Variants in STARD5 observed in about 807,000 individuals in gnomAD.
STARD5 encodes stAR-related lipid transfer protein 5.
A neutral mutation model predicts 24.6 loss-of-function variants in STARD5; 26 were observed. The observed-to-expected ratio is 1.06, with a 90% CI of 0.77 to 1.47. The LOEUF (loss-of-function observed/expected upper bound fraction) is 1.47. STARD5 is among the 40% of genes most tolerant of loss of function. The probability of loss-of-function intolerance (pLI) is 0.00; values close to 1 mark genes in which losing one functional copy is unlikely to be tolerated. For synonymous variants in STARD5, 101 were observed against 99.7 expected (o/e 1.01, Z -0.07); for missense variants, 254 against 270.8 (o/e 0.94, Z 0.44).
In STARD5 at chr15:81,309,443, T is replaced by A; in HGVS notation, c.*3813A>T. 6.5e-6 allele frequency: 1 copy of A among 152,798 alleles called. No homozygotes were observed. Among genetic ancestry groups the A allele is most frequent in the Non-Finnish European group, 1.5e-5 (1 of 68,310 alleles). The allele number at this position is 152,798 out of a possible 1,614,324, so 9.5% of individuals were successfully genotyped here. Reference sequence around the variant, plus strand: ...GCATCCCAGGATCGCAAGAGCCATGTAGAAGCTGCATCTTGTTTATACCTT... The same window carrying A: ...GCATCCCAGGATCGCAAGAGCCATGAAGAAGCTGCATCTTGTTTATACCTT... On this transcript the variant is annotated 3_prime_UTR_variant, in exon 6 of 6. Coordinates refer to ENST00000302824, the MANE Select transcript of STARD5 (RefSeq NM_181900.3).
At chr15:81,323,336 G>A (rs1893326497) in intron 1 of STARD5, 1 of 289,826 alleles carries the variant, frequency 3.5e-6, no homozygotes, top group African/African-American at 2.7e-5. Context: ...AGTCAGAAGG[G>A]TCAAGCAAAA....
At chr15:81,319,130 T>C (rs1028713426) in intron 4 of STARD5, among the ~76,000 whole-genome samples, 1 of 150,378 alleles carries the variant, frequency 6.6e-6, no homozygotes, top group African/African-American at 2.4e-5. Context: ...AACCGTGACT[T>C]GAACATAGAA....
Position 81,322,571 on chromosome 15 carries a change from G to A in STARD5, c.150-31C>T, listed in dbSNP as rs768333114. ...GCACGAAAAGGAATTTGACCCCAAC[G>A]CATCAATCAAACTTGTTATCTTGAG... On this transcript the variant is annotated intron_variant, in intron 2 of 5. Transcript: ENST00000302824. The A allele has an allele frequency of 5.0e-6, 8 of 1,613,638 alleles. 1 individual carries two copies. In the South Asian group the frequency reaches 5.5e-5, roughly 11 times the overall value.
intron 3 of STARD5, among the ~76,000 whole-genome samples, chr15:81,320,266 T>C (rs1264263527): frequency 6.6e-6 from 1 of 152,190 alleles, no homozygotes; most frequent in Non-Finnish European, 1.5e-5. Context: ...GTATTAAGAC[T>C]TGGGGCATCG....
chr15:81,324,010 G>T lies in STARD5; in HGVS notation c.90C>A (p.Cys30Ter). 1 of 1,599,866 alleles carries T rather than the reference G, an allele frequency of 6.3e-7. No homozygotes were observed. The highest frequency in any genetic ancestry group is 8.5e-7 in the Non-Finnish European group (1 of 1,173,014). Residue 30 changes from cysteine (C) to a stop codon, truncating the protein, a stop_gained, in exon 1 of 6, where the codon TGC becomes TGA. Transcript: ENST00000302824. LOFTEE classifies it high-confidence loss of function. Reference protein sequence around the residue: ...YRRDTAGWKICREGNGVSVSW... With the variant: ...YRRDTAGWKI ...CCAGCTCCTCACTCACGCCTTCCCG[G>T]CAAATCTTCCAGCCTGCTGTGTCCC... is the stretch of plus-strand genomic sequence containing the variant.
chr15:81,317,490 T>C (rs1268735448), intron 5 of STARD5, among the ~76,000 whole-genome samples: 1 of 152,210 alleles, frequency 6.6e-6, no homozygotes, highest in Non-Finnish European at 1.5e-5. Context: ...TGTGTATGTC[T>C]GTGTGTGGTA....
chr15:81,320,561 G>T (rs1225997884), intron 3 of STARD5, among the ~76,000 whole-genome samples: 3 of 152,122 alleles, frequency 2.0e-5, no homozygotes, highest in African/African-American at 7.2e-5. Flanking sequence ...ATCCTCCAGG[G>T]TGGCAAAGGG....
In STARD5 at chr15:81,309,941, T is replaced by G. The variant is rs1488179119; in HGVS notation, c.*3315A>C. On this transcript the variant is annotated 3_prime_UTR_variant, in exon 6 of 6. Transcript: ENST00000302824. The stretch of plus-strand genomic sequence containing the variant: ...TGATGCGGCAGATTGAGTTTTCTTC[T>G]GTGATTCGGTGGAGACTATCAGCCC... 1 of 152,270 alleles carries G rather than the reference T, an allele frequency of 6.6e-6. No homozygotes were observed. The highest frequency in any genetic ancestry group is 1.5e-5 in the Non-Finnish European group (1 of 68,056). 9.4% of individuals were successfully genotyped at this position (152,270 alleles called of 1,614,324 possible). A position where few individuals can be genotyped will look rare whatever the true frequency, so the allele number is the denominator to read the frequency against.
At chr15:81,317,868 G>A (rs755160321) in intron 5 of STARD5, among the ~76,000 whole-genome samples, 30 of 152,296 alleles carry the variant, frequency 2.0e-4, no homozygotes, top group Admixed American at 5.2e-4. Context: ...GAGAGTCCCC[G>A]GGGTCAATTC....
At chr15:81,314,604 G>A (rs1249646020) in intron 5 of STARD5, among the ~76,000 whole-genome samples, 1 of 152,104 alleles carries the variant, frequency 6.6e-6, no homozygotes, top group East Asian at 1.9e-4. Context: ...ACTCCCCAGG[G>A]CCAAGCACGG....
chr15:81,321,549 G>T (rs1484714851), intron 3 of STARD5, among the ~76,000 whole-genome samples: 1 of 150,616 alleles, frequency 6.6e-6, no homozygotes, highest in Non-Finnish European at 1.5e-5. Flanking sequence ...GGCAGAGGCT[G>T]CAGTGAGCCA....
Position 81,319,438 on chromosome 15 carries a change from T to C in STARD5, c.301A>G (p.Thr101Ala). 1 of 1,613,992 alleles carries C rather than the reference T, an allele frequency of 6.2e-7. No individual in the cohort carries two copies. The highest frequency in any genetic ancestry group is 8.5e-7 in the Non-Finnish European group (1 of 1,179,964). ...TTCATGGCAGCGGAGGGAGTGGAGGTTCTGCTTACACACAGGGTCTGCCAA... is the reference window on the plus strand; with the variant it reads ...TTCATGGCAGCGGAGGGAGTGGAGGCTCTGCTTACACACAGGGTCTGCCAA... The part of the protein sequence containing the change: ...SITDTLCVSR[T>A]STPSAAMKLI... The change falls in exon 4 of 6, where the codon ACC becomes GCC. Residue 101 changes from threonine to alanine, a missense_variant. Physicochemically the swap from Thr to Ala is moderately conservative, Grantham distance 58. Coordinates refer to ENST00000302824, the MANE Select transcript of STARD5 (RefSeq NM_181900.3).
rs1295831464 is a variant in STARD5 at position 81,312,371 on chromosome 15, G to C, written c.*885C>G. 6.6e-6 allele frequency: 1 copy of C among 152,260 alleles called. No homozygotes were observed. Among genetic ancestry groups the C allele is most frequent in the Admixed American group, 6.5e-5 (1 of 15,284 alleles). 9.4% of individuals were successfully genotyped at this position (152,260 alleles called of 1,614,324 possible). A position where few individuals can be genotyped will look rare whatever the true frequency, so the allele number is the denominator to read the frequency against. On this transcript the variant is annotated 3_prime_UTR_variant, in exon 6 of 6. Coordinates refer to ENST00000302824, the MANE Select transcript of STARD5 (RefSeq NM_181900.3). Reference sequence around the variant, plus strand: ...GCCTACTCTTCCATCTTTCCTGATGGCAGGATGGCCTGGCCAGGGCCTGGA... The same window carrying C: ...GCCTACTCTTCCATCTTTCCTGATGCCAGGATGGCCTGGCCAGGGCCTGGA...
intron 4 of STARD5, 101 bp downstream of exon 4, chr15:81,319,238 G>A (rs935104260): frequency 1.9e-6 from 2 of 1,067,764 alleles, no homozygotes; most frequent in African/African-American, 3.1e-5. Context: ...TGAGTTTCTG[G>A]TGATTTCTGG....
chr15:81,318,721 GACACACACACACTTGC>G, intron 4 of STARD5, among the ~76,000 whole-genome samples: 1 of 151,944 alleles, frequency 6.6e-6, no homozygotes, highest in East Asian at 1.9e-4. Flanking sequence ...CTCACACACA[GACACACACACACTTGC>G]ACTCACACAC....
chr15:81,323,892 G>A, intron 1 of STARD5, 109 bp downstream of exon 1: 1 of 1,142,474 alleles, frequency 8.8e-7, no homozygotes, highest in Non-Finnish European at 1.3e-6. Flanking sequence ...CGGGTCCAGG[G>A]GATTGGGGAG....
At chr15:81,316,969 C>T (rs1305594867) in intron 5 of STARD5, among the ~76,000 whole-genome samples, 1 of 152,006 alleles carries the variant, frequency 6.6e-6, no homozygotes, top group East Asian at 1.9e-4. Context: ...GAGGCCAAGA[C>T]GGGGATCATT....
chr15:81,319,751 G>C lies in STARD5; in HGVS notation c.283-295C>G, dbSNP rs1390699843. ...GTACCATTTATTGAGCACCTAGTAA[G>C]AGCCTGGCTGGACAAAGCTCTCAGC... On this transcript the variant is annotated intron_variant, in intron 3 of 5. Coordinates refer to ENST00000302824, the MANE Select transcript of STARD5 (RefSeq NM_181900.3). Among the ~76,000 whole-genome samples the C allele has an allele frequency of 3.3e-5, 5 of 152,228 alleles. No homozygotes were observed. The South Asian group carries it at 1.0e-3, about 31-fold the overall frequency.
In STARD5 at chr15:81,313,084, G is replaced by T; in HGVS notation, c.*172C>A. On this transcript the variant is annotated 3_prime_UTR_variant, in exon 6 of 6. Transcript: ENST00000302824. ...ACGCCAACCCTGAGTGGGGCAGGAG[G>T]CAGGAAGGGTGGGCTGCCGCCTCTG... 1 of 677,132 alleles carries T rather than the reference G, an allele frequency of 1.5e-6. No homozygotes were observed. Among genetic ancestry groups the T allele is most frequent in the Non-Finnish European group, 2.2e-6 (1 of 451,016 alleles). The allele number at this position is 677,132 out of a possible 1,614,324, so 41.9% of individuals were successfully genotyped here.
Sources: allele counts gnomAD v4.1 joint callset (sites outside exome capture counted in the v4.1 genomes callset), GRCh38; gene constraint gnomAD v4.1.1; transcripts MANE v1.5; gene names NCBI Gene and HGNC (gene_info 2026-07-23, HGNC 2026-07-21).